The following ADARB1 variants were observed in gnomAD, a reference collection of about 807,000 sequenced individuals.
ADARB1 encodes double-stranded RNA-specific editase 1.
Under a neutral mutation model 52.4 loss-of-function variants are expected in ADARB1, and 10 were observed. The ratio of observed to expected loss-of-function variants is 0.19; its 90% confidence interval spans 0.12 to 0.32. The LOEUF (loss-of-function observed/expected upper bound fraction) is 0.32, where lower values mean the gene tolerates loss of function less well. Ranked by LOEUF, ADARB1 falls within the 10% of genes least tolerant of loss-of-function variation. The probability of loss-of-function intolerance (pLI) is 1.00; values close to 1 mark genes in which losing one functional copy is unlikely to be tolerated. For missense variants in ADARB1, 643 were observed against 922.3 expected (o/e 0.70, Z 3.92); for synonymous variants, 349 against 371.1 (o/e 0.94, Z 0.68).
chr21:45,218,412 C>T (rs1394586670), intron 9 of ADARB1, among the ~76,000 whole-genome samples: 3 of 152,154 alleles, frequency 2.0e-5, no homozygotes, highest in African/African-American at 7.2e-5. Context: ...ATCTTTATGT[C>T]TGTATCTTCT....
chr21:45,105,158 T>C (rs898358213), intron 1 of ADARB1, among the ~76,000 whole-genome samples: 2 of 152,156 alleles, frequency 1.3e-5, no homozygotes, highest in African/African-American at 2.4e-5. Flanking sequence ...TGGAGAGCAG[T>C]GGCATGATCT....
intron 2 of ADARB1, among the ~76,000 whole-genome samples, chr21:45,138,585 C>T (rs1410485910): frequency 6.6e-6 from 1 of 152,214 alleles, no homozygotes; most frequent in Non-Finnish European, 1.5e-5. Flanking sequence ...ATATTTTCAC[C>T]TGTCTTTCAC....
At chr21:45,144,733 T>G (rs1005569620) in intron 2 of ADARB1, 2 of 426,330 alleles carry the variant, frequency 4.7e-6, no homozygotes, top group African/African-American at 4.1e-5. Flanking sequence ...ACAAAATGAA[T>G]TAATATGCAG....
chr21:45,133,682 G>C, intron 2 of ADARB1: 1 of 284,186 alleles, frequency 3.5e-6, no homozygotes. Context: ...ACCTGAAAGA[G>C]GTGTGTGCCC....
chr21:45,079,693 A>C (rs2086078594), intron 1 of ADARB1, among the ~76,000 whole-genome samples: 1 of 152,264 alleles, frequency 6.6e-6, no homozygotes. Context: ...GCTAATGTAA[A>C]GTACCTAAAA....
chr21:45,219,395 G>A (rs138844392), intron 9 of ADARB1, among the ~76,000 whole-genome samples: 12 of 152,210 alleles, frequency 7.9e-5, no homozygotes, highest in South Asian at 2.1e-4. Flanking sequence ...ATGGTGGCAC[G>A]CGCCTGTAGT....
In ADARB1 at chr21:45,128,879, T is replaced by C. The variant is rs2088760508; in HGVS notation, c.-48+306T>C. 6.6e-6 allele frequency among the ~76,000 whole-genome samples: 1 copy of C among 152,194 alleles called. No individual in the cohort carries two copies. Among genetic ancestry groups the C allele is most frequent in the Admixed American group, 6.5e-5 (1 of 15,282 alleles). ...CTCTTTGGGGTCAGTTCACCATTTATTGAGTCAGTGCTTCATGCCGGGCAC... is the reference window on the plus strand; with the variant it reads ...CTCTTTGGGGTCAGTTCACCATTTACTGAGTCAGTGCTTCATGCCGGGCAC... On this transcript the variant is annotated intron_variant, in intron 2 of 10. Coordinates refer to ENST00000348831, the MANE Select transcript of ADARB1 (RefSeq NM_001112.4). The surrounding 1 kb of genome is among the most constrained non-coding windows in gnomAD (Gnocchi z 4.6).
chr21:45,176,679 T>C lies in ADARB1; in HGVS notation c.963+15T>C. Reference sequence around the variant, plus strand: ...ATTTACCGCAGGTGAGGAACTATGCTGCTGCTTTAAAACACGGGGTCATTG... The same window carrying C: ...ATTTACCGCAGGTGAGGAACTATGCCGCTGCTTTAAAACACGGGGTCATTG... On this transcript the variant is annotated intron_variant, in intron 4 of 10. Transcript: ENST00000348831. This position sits in a 1 kb window ranked among gnomAD's most constrained non-coding sequence, Gnocchi z 5.8. 1 of 1,581,714 alleles carries C rather than the reference T, an allele frequency of 6.3e-7. No individual in the cohort carries two copies. The highest frequency in any genetic ancestry group is 8.6e-7 in the Non-Finnish European group (1 of 1,164,578).
chr21:45,134,501 T>C (rs1339416628), intron 2 of ADARB1, among the ~76,000 whole-genome samples: 3 of 147,424 alleles, frequency 2.0e-5, no homozygotes, highest in Admixed American at 6.7e-5. Flanking sequence ...ACACTCGGGG[T>C]GTGTGTGCCT....
intron 6 of ADARB1, among the ~76,000 whole-genome samples, chr21:45,183,115 C>T (rs961485079): frequency 6.6e-6 from 1 of 152,172 alleles, no homozygotes; most frequent in East Asian, 1.9e-4. Context: ...CTTTACAAAG[C>T]CATTTTTTGT....
intron 1 of ADARB1, among the ~76,000 whole-genome samples, chr21:45,119,826 C>T (rs2088056444): frequency 6.6e-6 from 1 of 152,336 alleles, no homozygotes; most frequent in African/African-American, 2.4e-5. Flanking sequence ...TATACCCAGA[C>T]AGCCCACATT....
chr21:45,214,137 A>G (rs2092819646), intron 9 of ADARB1, among the ~76,000 whole-genome samples: 1 of 152,220 alleles, frequency 6.6e-6, no homozygotes, highest in African/African-American at 2.4e-5. Context: ...CTGATGACTA[A>G]TGAAGTTGAA....
rs61735850 is a variant in ADARB1 at position 45,176,274 on chromosome 21, C to T, written c.573C>T (p.Tyr191=). 1.1e-5 allele frequency: 18 copies of T among 1,614,192 alleles called. No homozygotes were observed. Among genetic ancestry groups the T allele is most frequent in the Middle Eastern group, 1.6e-4 (1 of 6,062 alleles). ...CTGACAAGGCGGAGCCTCCCTTTTA[C>T]GTGGGCTCCAATGGGGATGACTCCT... ...ETPDKAEPPF[Y]VGSNGDDSFS... Residue 191 remains tyrosine, a synonymous_variant, in exon 4 of 11, where the codon TAC becomes TAT. Coordinates refer to ENST00000348831, the MANE Select transcript of ADARB1 (RefSeq NM_001112.4). The surrounding 1 kb of genome is among the most constrained non-coding windows in gnomAD (Gnocchi z 5.8).
At position 45,142,552 on chromosome 21, in the gene ADARB1, G is replaced by C. The variant is rs568209794; in HGVS notation, c.-48+13979G>C. ...TTCTTTAACTGGGCAGCATTGTAGC[G>C]GGGTGGAGTGTGGGTCCCCAGGTTG... On this transcript the variant is annotated intron_variant, in intron 2 of 10. Transcript: ENST00000348831. The surrounding 1 kb of genome is among the most constrained non-coding windows in gnomAD (Gnocchi z 4.0). 1.3e-5 allele frequency among the ~76,000 whole-genome samples: 2 copies of C among 152,184 alleles called. No individual in the cohort carries two copies. Among genetic ancestry groups the C allele is most frequent in the African/African-American group, 2.4e-5 (1 of 41,438 alleles).
At chr21:45,201,508 T>G (rs879449956) in intron 8 of ADARB1, among the ~76,000 whole-genome samples, 1 of 152,220 alleles carries the variant, frequency 6.6e-6, no homozygotes, top group Non-Finnish European at 1.5e-5. Flanking sequence ...CCTGTGTTTC[T>G]TAGAGGTATT....
At chr21:45,156,753 T>TGAACATGC (rs1463752614) in intron 2 of ADARB1, among the ~76,000 whole-genome samples, 1 of 152,146 alleles carries the variant, frequency 6.6e-6, no homozygotes, top group African/African-American at 2.4e-5. Context: ...ACCAGGGGTT[T>TGAACATGC]GAACATGCTT....
chr21:45,083,559 T>C (rs1377493557), intron 1 of ADARB1, among the ~76,000 whole-genome samples: 2 of 152,226 alleles, frequency 1.3e-5, no homozygotes, highest in East Asian at 3.8e-4. Flanking sequence ...AAATGCATTC[T>C]CTGAAATAAT....
At chr21:45,186,115 GA>G (rs2092096306) in intron 8 of ADARB1, among the ~76,000 whole-genome samples, 1 of 152,242 alleles carries the variant, frequency 6.6e-6, no homozygotes. Context: ...TGATGTGGGG[GA>G]GGGGGGTGTA....
rs1279076390 is a variant in ADARB1 at position 45,204,817 on chromosome 21, A to G, written c.1747+81A>G. 1.3e-5 allele frequency: 19 copies of G among 1,432,528 alleles called. No individual in the cohort carries two copies. Among genetic ancestry groups the G allele is most frequent in the Admixed American group, 2.0e-5 (1 of 50,202 alleles). 88.7% of individuals were successfully genotyped at this position (1,432,528 alleles called of 1,614,324 possible). On this transcript the variant is annotated intron_variant, in intron 9 of 10. Coordinates refer to ENST00000348831, the MANE Select transcript of ADARB1 (RefSeq NM_001112.4). The surrounding 1 kb of genome is among the most constrained non-coding windows in gnomAD (Gnocchi z 4.4). ...CATCCTCATGAATGAAAAAAACACC[A>G]CCTGAGCTGCTCTGTGGCTATCAAA... is the stretch of plus-strand genomic sequence containing the variant.
Sources: gnomAD v4.1 joint callset for allele counts (sites outside exome capture counted in the v4.1 genomes callset) on GRCh38, gnomAD v4.1.1 for gene constraint, Gnocchi (gnomAD v3.1) non-coding constraint, MANE v1.5 for transcripts, NCBI Gene and HGNC (gene_info 2026-07-23, HGNC 2026-07-21) for gene names.